NSUN2: variants seen among roughly 807,000 people sequenced by gnomAD.
NSUN2 encodes the protein RNA cytosine C(5)-methyltransferase NSUN2.
NSUN2 carries 63 observed loss-of-function variants against 92.7 expected under a neutral mutation model. The observed-to-expected ratio is 0.68, with a 90% CI of 0.56 to 0.84. NSUN2 has a LOEUF of 0.84. Ranked by LOEUF, NSUN2 falls within the 40% of genes least tolerant of loss-of-function variation. The probability of loss-of-function intolerance (pLI) is 0.00; values close to 1 mark genes in which losing one functional copy is unlikely to be tolerated. For missense variants in NSUN2, 989 were observed against 964.9 expected (o/e 1.02, Z -0.33); for synonymous variants, 356 against 348.3 (o/e 1.02, Z -0.25).
intron 6 of NSUN2, chr5:6,620,751 G>A (rs1737402610): frequency 6.5e-6 from 1 of 152,802 alleles, no homozygotes; most frequent in Non-Finnish European, 1.5e-5. Flanking sequence ...CTTCCCGGGA[G>A]GCTCTGCAGG....
chr5:6,606,364 A>G (rs1377876110), intron 14 of NSUN2, among the ~76,000 whole-genome samples: 1 of 152,052 alleles, frequency 6.6e-6, no homozygotes, highest in Non-Finnish European at 1.5e-5. Flanking sequence ...GCTCACTGCA[A>G]GCTCCACCTC....
At chr5:6,609,035 T>A (rs1029281626) in intron 12 of NSUN2, among the ~76,000 whole-genome samples, 3 of 152,160 alleles carry the variant, frequency 2.0e-5, no homozygotes, top group African/African-American at 7.2e-5. Context: ...CGTTCCAACG[T>A]TAAACTGCAC....
At chr5:6,626,436 C>A (rs1488767273) in intron 3 of NSUN2, among the ~76,000 whole-genome samples, 1 of 151,150 alleles carries the variant, frequency 6.6e-6, no homozygotes, top group African/African-American at 2.4e-5. Flanking sequence ...GTGGTGTAAT[C>A]TCAGCTCACT....
intron 12 of NSUN2, among the ~76,000 whole-genome samples, chr5:6,607,740 C>T (rs991068306): frequency 1.3e-5 from 2 of 152,104 alleles, no homozygotes; most frequent in South Asian, 2.1e-4. Context: ...GCACCAAGCA[C>T]GATTTCTAAA....
At chr5:6,620,368 C>T in intron 6 of NSUN2, 70 bp from the exon 7 acceptor site, 1 of 1,208,210 alleles carries the variant, frequency 8.3e-7, no homozygotes, top group Non-Finnish European at 1.1e-6. Flanking sequence ...AATATGCGAC[C>T]TCCAAAGGTC....
chr5:6,620,375 G>C, intron 6 of NSUN2, 77 bp from the exon 7 acceptor site: 10 of 1,149,738 alleles, frequency 8.7e-6, no homozygotes, highest in Non-Finnish European at 2.4e-6. Flanking sequence ...GACCTCCAAA[G>C]GTCAGCCAGT....
intron 4 of NSUN2, 133 bp from the exon 5 acceptor site, chr5:6,623,418 T>A (rs1321607484): frequency 1.4e-6 from 1 of 690,390 alleles, no homozygotes; most frequent in African/African-American, 1.8e-5. Flanking sequence ...GAACTCATAC[T>A]ATCACACAGA....
intron 7 of NSUN2, among the ~76,000 whole-genome samples, chr5:6,619,403 CT>C (rs1737343768): frequency 6.6e-6 from 1 of 152,272 alleles, no homozygotes; most frequent in Admixed American, 6.5e-5. Flanking sequence ...CTTTTGAATT[CT>C]GGTCTTGACA....
intron 9 of NSUN2, among the ~76,000 whole-genome samples, 183 bp from the exon 10 acceptor site, chr5:6,611,981 G>C: frequency 6.6e-6 from 1 of 152,320 alleles, no homozygotes; most frequent in Non-Finnish European, 1.5e-5. Flanking sequence ...GTGGCCGATG[G>C]GGCTCAGCTG....
At chr5:6,624,501 T>G (rs903385719) in intron 4 of NSUN2, among the ~76,000 whole-genome samples, 1 of 152,208 alleles carries the variant, frequency 6.6e-6, no homozygotes, top group Non-Finnish European at 1.5e-5. Flanking sequence ...CCTATCCATG[T>G]GTATCACACC....
At chr5:6,608,966 C>T (rs1287871022) in intron 12 of NSUN2, among the ~76,000 whole-genome samples, 4 of 152,228 alleles carry the variant, frequency 2.6e-5, no homozygotes, top group Non-Finnish European at 5.9e-5. Flanking sequence ...TCTAACCTGA[C>T]AGAAAAACCC....
At position 6,611,044 on chromosome 5, in the gene NSUN2, A is replaced by G. The variant is rs141973761; in HGVS notation, c.1137T>C (p.Ala379=). The change falls in exon 11 of 19, where the codon GCT becomes GCC. Residue 379 remains alanine (A), a synonymous_variant. Coordinates refer to ENST00000264670, the MANE Select transcript of NSUN2 (RefSeq NM_017755.6). ...KDGQWFTDWD[A]VPHSRHTQIR... is the part of the protein sequence containing the mutation. Reference sequence around the variant, plus strand: ...TCTGGGTGTGTCTGCTGTGAGGAACAGCGTCCCAGTCTGTAAACCACTGCC... The same window carrying G: ...TCTGGGTGTGTCTGCTGTGAGGAACGGCGTCCCAGTCTGTAAACCACTGCC... The G allele has an allele frequency of 2.5e-6, 4 of 1,614,090 alleles. No homozygotes were observed. Among genetic ancestry groups the G allele is most frequent in the African/African-American group, 2.7e-5 (2 of 74,932 alleles).
At position 6,607,308 on chromosome 5, in the gene NSUN2, T is replaced by C; in HGVS notation, c.1400A>G (p.Asp467Gly). ...PADLTEGKPT[D>G]PSKLESPSFT... ...TGACGGACTTTCCAGCTTAGAGGGA[T>C]CTGTGGGTTTCCCTTCTGTGAGATC... Residue 467 changes from aspartate to glycine, a missense_variant, in exon 13 of 19, where the codon GAT becomes GGT. Physicochemically the swap from Asp to Gly is moderately conservative, Grantham distance 94. Coordinates refer to ENST00000264670, the MANE Select transcript of NSUN2 (RefSeq NM_017755.6). 1 of 1,614,196 alleles carries C rather than the reference T, an allele frequency of 6.2e-7. No homozygotes were observed. Among genetic ancestry groups the C allele is most frequent in the South Asian group, 1.1e-5 (1 of 91,090 alleles).
At chr5:6,602,615 T>C (rs900401514) in intron 17 of NSUN2, 115 bp from the exon 18 acceptor site, 8 of 973,258 alleles carry the variant, frequency 8.2e-6, no homozygotes, top group Admixed American at 5.2e-5. Flanking sequence ...AAACAACAAA[T>C]AATCTACATT....
chr5:6,610,305 GAGCTCAAGTGATCC>G (rs1736935564), intron 11 of NSUN2, among the ~76,000 whole-genome samples: 2 of 151,430 alleles, frequency 1.3e-5, no homozygotes, highest in African/African-American at 4.9e-5. Flanking sequence ...TCAAACTTTT[GAGCTCAAGTGATCC>G]ATCAGCCTTG....
At chr5:6,614,094 GGAAAAAAAA>G (rs1274499926) in intron 9 of NSUN2, among the ~76,000 whole-genome samples, 2 of 53,404 alleles carry the variant, frequency 3.7e-5, no homozygotes, top group African/African-American at 8.0e-5. Flanking sequence ...AGACTGTCTC[GGAAAAAAAA>G]AAAAAAAAAA....
intron 6 of NSUN2, chr5:6,620,783 C>A (rs1177401568): frequency 1.3e-5 from 2 of 152,624 alleles, no homozygotes. Context: ...ACTGGGTGTA[C>A]CTCTGCTCAT....
intron 6 of NSUN2, 190 bp downstream of exon 6, chr5:6,621,826 G>C (rs1204877895): frequency 1.2e-5 from 7 of 560,434 alleles, no homozygotes; most frequent in Non-Finnish European, 2.2e-5. Flanking sequence ...CATGGTATGA[G>C]TGTGTTTGTT....
At chr5:6,630,448 G>A (rs1737831332) in intron 3 of NSUN2, among the ~76,000 whole-genome samples, 1 of 152,186 alleles carries the variant, frequency 6.6e-6, no homozygotes, top group Admixed American at 6.5e-5. Flanking sequence ...TGGGATTACA[G>A]GCGTGTGCCA....
Sources: allele counts gnomAD v4.1 joint callset (sites outside exome capture counted in the v4.1 genomes callset), GRCh38; gene constraint gnomAD v4.1.1; transcripts MANE v1.5; gene names NCBI Gene and HGNC (gene_info 2026-07-23, HGNC 2026-07-21).